The following FAM227B variants were observed in gnomAD, a reference collection of about 807,000 sequenced individuals.
The protein encoded by FAM227B is protein FAM227B.
FAM227B carries 88 observed loss-of-function variants against 73.8 expected under a neutral mutation model. That is an observed-to-expected ratio of 1.19 (90% confidence interval 1.00 to 1.42). The LOEUF is 1.42. Ranked by LOEUF, FAM227B falls within the 40% of genes most tolerant of loss-of-function variation. FAM227B has a pLI of 0.00. For synonymous variants in FAM227B, 210 were observed against 190.5 expected (o/e 1.10, Z -0.84); for missense variants, 632 against 590.9 (o/e 1.07, Z -0.72).
intron 11 of FAM227B, among the ~76,000 whole-genome samples, chr15:49,401,572 T>A (rs1299257276): frequency 6.9e-6 from 1 of 144,576 alleles, no homozygotes; most frequent in East Asian, 2.0e-4. Flanking sequence ...TGCGGCATTA[T>A]TCACAATAGC....
At chr15:49,373,936 T>G (rs2151489001) in intron 11 of FAM227B, among the ~76,000 whole-genome samples, 1 of 152,318 alleles carries the variant, frequency 6.6e-6, no homozygotes, top group East Asian at 1.9e-4. Context: ...CTTTTAATCT[T>G]GTATTGAAAT....
intron 11 of FAM227B, among the ~76,000 whole-genome samples, chr15:49,411,007 G>T (rs1003221397): frequency 3.3e-5 from 5 of 149,824 alleles, no homozygotes; most frequent in Non-Finnish European, 4.5e-5. Flanking sequence ...TCTGTGTGTG[G>T]GGGGGGTGGG....
chr15:49,512,521 T>A (rs11634751), intron 10 of FAM227B, among the ~76,000 whole-genome samples: 40,291 of 152,018 alleles, frequency 0.27, 5,605 homozygotes, highest in East Asian at 0.38. Flanking sequence ...ATTGAGATGA[T>A]GTTCTTAGAT....
At chr15:49,416,770 T>C (rs112164828) in intron 11 of FAM227B, among the ~76,000 whole-genome samples, 3,751 of 96,342 alleles carry the variant, frequency 0.039, 117 homozygotes, top group South Asian at 0.23. Context: ...CACACACACA[T>C]AGACACACAC....
intron 9 of FAM227B, among the ~76,000 whole-genome samples, chr15:49,562,279 C>T (rs2074321352): frequency 6.6e-6 from 1 of 152,026 alleles, no homozygotes; most frequent in African/African-American, 2.4e-5. Context: ...AAATATAAAA[C>T]TTCCCATGAC....
At position 49,543,784 on chromosome 15, in the gene FAM227B, G is replaced by T. The variant is rs559354528; in HGVS notation, c.748-1978C>A. 2.6e-5 allele frequency among the ~76,000 whole-genome samples: 4 copies of T among 152,160 alleles called. No individual in the cohort carries two copies. The East Asian group carries it at 7.7e-4, about 29-fold the overall frequency. On this transcript the variant is annotated intron_variant, in intron 9 of 15. Coordinates refer to ENST00000299338, the MANE Select transcript of FAM227B (RefSeq NM_152647.3). The stretch of plus-strand genomic sequence containing the variant: ...CTTTTCCCACTTTATGTTTTTGTTT[G>T]CTTTGTCAAAGATCAGTTGGCTGTA...
chr15:49,613,438 T>C (rs1015653935), intron 2 of FAM227B, among the ~76,000 whole-genome samples: 1 of 151,872 alleles, frequency 6.6e-6, no homozygotes, highest in Non-Finnish European at 1.5e-5. Context: ...GAGGCGGAGG[T>C]TGCGGTGAGC....
chr15:49,437,293 C>G (rs908230156), intron 11 of FAM227B, among the ~76,000 whole-genome samples: 1 of 151,462 alleles, frequency 6.6e-6, no homozygotes, highest in African/African-American at 2.4e-5. Context: ...CAAAGCAACA[C>G]AAAAACAAAT....
intron 2 of FAM227B, among the ~76,000 whole-genome samples, chr15:49,612,107 T>G (rs951142388): frequency 6.6e-6 from 1 of 152,020 alleles, no homozygotes; most frequent in African/African-American, 2.4e-5. Context: ...TTTTTTTTAT[T>G]ATACTTTAAG....
intron 10 of FAM227B, among the ~76,000 whole-genome samples, chr15:49,533,847 G>C (rs1413144748): frequency 6.6e-6 from 1 of 151,766 alleles, no homozygotes; most frequent in Non-Finnish European, 1.5e-5. Flanking sequence ...TTTGATTGGA[G>C]ATTGTAATCC....
chr15:49,346,054 T>C (rs1373757537), intron 13 of FAM227B, among the ~76,000 whole-genome samples: 1 of 150,628 alleles, frequency 6.6e-6, no homozygotes. Context: ...TTTTGTTATT[T>C]TTTTTTTTTT....
chr15:49,481,532 A>G (rs374597384), intron 11 of FAM227B, among the ~76,000 whole-genome samples: 12 of 152,338 alleles, frequency 7.9e-5, no homozygotes, highest in East Asian at 3.9e-4. Flanking sequence ...TGAATGCATC[A>G]ACATCATAAT....
At chr15:49,572,145 G>A (rs1004727058) in intron 8 of FAM227B, among the ~76,000 whole-genome samples, 5 of 151,250 alleles carry the variant, frequency 3.3e-5, no homozygotes, top group African/African-American at 1.2e-4. Flanking sequence ...TTTCTTTTTT[G>A]TATAATTCAT....
At chr15:49,544,625 T>A (rs2071558386) in intron 9 of FAM227B, among the ~76,000 whole-genome samples, 1 of 152,236 alleles carries the variant, frequency 6.6e-6, no homozygotes, top group African/African-American at 2.4e-5. Context: ...CCATTCAGTA[T>A]AATGTTGGCT....
At chr15:49,553,947 C>T (rs1329192779) in intron 9 of FAM227B, among the ~76,000 whole-genome samples, 1 of 152,196 alleles carries the variant, frequency 6.6e-6, no homozygotes, top group Non-Finnish European at 1.5e-5. Context: ...ACCCAGGGCC[C>T]TCAATGTAGT....
chr15:49,560,530 C>T (rs527912670), intron 9 of FAM227B, among the ~76,000 whole-genome samples: 1 of 152,150 alleles, frequency 6.6e-6, no homozygotes, highest in Admixed American at 6.5e-5. Flanking sequence ...CAAGAGAACA[C>T]CTGCCAGATA....
intron 3 of FAM227B, among the ~76,000 whole-genome samples, chr15:49,592,470 C>G (rs2076638838): frequency 2.6e-5 from 4 of 152,176 alleles, no homozygotes; most frequent in Admixed American, 6.5e-5. Context: ...CACTCCAGAC[C>G]CTGTTTGCCT....
At chr15:49,552,891 T>C (rs765662699) in intron 9 of FAM227B, among the ~76,000 whole-genome samples, 8 of 152,182 alleles carry the variant, frequency 5.3e-5, no homozygotes, top group Non-Finnish European at 8.8e-5. Context: ...CTGAATTTAT[T>C]TGAGTTTCCT....
chr15:49,327,994 G>C lies in FAM227B; in HGVS notation c.*574C>G, dbSNP rs767278183. On this transcript the variant is annotated 3_prime_UTR_variant, in exon 16 of 16. Transcript: ENST00000299338. The stretch of plus-strand genomic sequence containing the variant: ...GGTCACGACTTACTGGAGCAGGATG[G>C]GGAGGCTGCACAGTATCAATGGTAC... 1 of 1,613,808 alleles carries C rather than the reference G, an allele frequency of 6.2e-7. No homozygotes were observed. Among genetic ancestry groups the C allele is most frequent in the East Asian group, 2.2e-5 (1 of 44,880 alleles).
Sources: gnomAD v4.1 joint callset for allele counts (sites outside exome capture counted in the v4.1 genomes callset) on GRCh38, gnomAD v4.1.1 for gene constraint, MANE v1.5 for transcripts, NCBI Gene and HGNC (gene_info 2026-07-23, HGNC 2026-07-21) for gene names.